HERPUD2: variants seen among roughly 807,000 people sequenced by gnomAD.
HERPUD2 encodes homocysteine-responsive endoplasmic reticulum-resident ubiquitin-like domain member 2 protein.
Under a neutral mutation model 49.9 loss-of-function variants are expected in HERPUD2, and 13 were observed. The ratio of observed to expected loss-of-function variants is 0.26; its 90% CI spans 0.17 to 0.41. HERPUD2 has a LOEUF of 0.41. HERPUD2 is among the 10% of genes least tolerant of loss of function. The pLI is 1.00. For synonymous variants in HERPUD2, 172 were observed against 171.4 expected (o/e 1.00, Z -0.03); for missense variants, 449 against 492.2 (o/e 0.91, Z 0.83).
intron 3 of HERPUD2, among the ~76,000 whole-genome samples, chr7:35,672,764 G>A (rs537207819): frequency 6.6e-6 from 1 of 152,136 alleles, no homozygotes; most frequent in African/African-American, 2.4e-5. Flanking sequence ...CACCCACAAA[G>A]TTTGCTAACT....
At chr7:35,659,843 CT>C (rs1417437550) in intron 5 of HERPUD2, among the ~76,000 whole-genome samples, 1 of 151,462 alleles carries the variant, frequency 6.6e-6, no homozygotes, top group Non-Finnish European at 1.5e-5. Flanking sequence ...TCTTTTTTTT[CT>C]TTTTTCCTGT....
intron 2 of HERPUD2, among the ~76,000 whole-genome samples, chr7:35,674,770 C>T (rs1236917426): frequency 6.6e-6 from 1 of 151,590 alleles, no homozygotes; most frequent in Non-Finnish European, 1.5e-5. Flanking sequence ...TCCATAAAAC[C>T]CAAAAGGACT....
chr7:35,682,424 A>G (rs1398695403), intron 2 of HERPUD2, among the ~76,000 whole-genome samples: 1 of 147,002 alleles, frequency 6.8e-6, no homozygotes, highest in Non-Finnish European at 1.5e-5. Context: ...TCAATATAAT[A>G]AAAGCCATCC....
chr7:35,668,375 C>T (rs758039380), intron 4 of HERPUD2, among the ~76,000 whole-genome samples: 1 of 152,110 alleles, frequency 6.6e-6, no homozygotes, highest in Non-Finnish European at 1.5e-5. Flanking sequence ...AACAATATAA[C>T]TCCCTGAAGA....
intron 5 of HERPUD2, among the ~76,000 whole-genome samples, chr7:35,653,872 T>C (rs1457030673): frequency 6.6e-6 from 1 of 152,136 alleles, no homozygotes; most frequent in Non-Finnish European, 1.5e-5. Context: ...TAGTGGTATG[T>C]GCCTGTAATC....
chr7:35,635,590 T>C (rs1583534123), intron 6 of HERPUD2, 132 bp from the exon 7 acceptor site: 2 of 731,446 alleles, frequency 2.7e-6, no homozygotes, highest in African/African-American at 1.8e-5. Flanking sequence ...CTGCACCACA[T>C]TTCTTAGGTA....
rs1444158930 is a variant in HERPUD2 at position 35,667,293 on chromosome 7, A to G, written c.494+141T>C. 4.0e-6 allele frequency: 3 copies of G among 749,058 alleles called. No individual in the cohort carries two copies. In the African/African-American group the frequency reaches 5.3e-5, roughly 13 times the overall value. The allele number at this position is 749,058 out of a possible 1,614,324, so 46.4% of individuals were successfully genotyped here. A position where few individuals can be genotyped will look rare whatever the true frequency, so the allele number is the denominator to read the frequency against. On this transcript the variant is annotated intron_variant, in intron 5 of 8. Transcript: ENST00000311350. ...AAAGCAGTGCTCTTCTTAACCCTCTAGTTCTCAAAATACAAAATCAAATAT... is the reference window on the plus strand; with the variant it reads ...AAAGCAGTGCTCTTCTTAACCCTCTGGTTCTCAAAATACAAAATCAAATAT...
chr7:35,651,021 C>T (rs77694074), intron 5 of HERPUD2, among the ~76,000 whole-genome samples: 2,159 of 152,280 alleles, frequency 0.014, 27 homozygotes, highest in Non-Finnish European at 0.019. Context: ...GGCCTGAGGA[C>T]CCAATCTGCC....
chr7:35,637,581 C>T (rs1184842879), intron 6 of HERPUD2, among the ~76,000 whole-genome samples: 1 of 152,118 alleles, frequency 6.6e-6, no homozygotes, highest in African/African-American at 2.4e-5. Context: ...CAGGATGAAG[C>T]ACAGGAGATG....
intron 5 of HERPUD2, among the ~76,000 whole-genome samples, chr7:35,644,369 A>G (rs1315840275): frequency 6.6e-6 from 1 of 152,226 alleles, no homozygotes; most frequent in Non-Finnish European, 1.5e-5. Context: ...ATGAGAACTT[A>G]GTCAGCTATA....
chr7:35,691,452 AG>A (rs1289384696), intron 2 of HERPUD2, among the ~76,000 whole-genome samples: 5 of 152,156 alleles, frequency 3.3e-5, no homozygotes, highest in African/African-American at 1.2e-4. Context: ...CACTGCCCAC[AG>A]GAACAAAGTC....
In HERPUD2 at chr7:35,667,587, C is replaced by T. The variant is rs1449085212; in HGVS notation, c.341G>A (p.Ser114Asn). 1 of 1,599,912 alleles carries T rather than the reference C, an allele frequency of 6.3e-7. No homozygotes were observed. ...AGTTGTTGATCCTGAATGATCTGAA[C>T]TCTACAAATAAAAATGTAATTTTTA... ...HEALASSSNS[S>N]SDHSGSTTPS... Residue 114 changes from serine (S) to asparagine (N), a missense_variant and splice_region_variant, in exon 5 of 9, where the codon AGT becomes AAT. By Grantham distance (46) the Ser-to-Asn change is conservative. Transcript: ENST00000311350.
intron 5 of HERPUD2, among the ~76,000 whole-genome samples, chr7:35,661,269 T>C (rs559855756): frequency 6.6e-6 from 1 of 152,340 alleles, no homozygotes; most frequent in African/African-American, 2.4e-5. Context: ...CCATGCTGTT[T>C]TGGTTACTGT....
chr7:35,634,829 G>A (rs1784844450), intron 7 of HERPUD2, among the ~76,000 whole-genome samples: 1 of 152,212 alleles, frequency 6.6e-6, no homozygotes, highest in South Asian at 2.1e-4. Context: ...TCTAATGAAA[G>A]AGGATGACCT....
chr7:35,676,485 G>A (rs1314680927), intron 2 of HERPUD2, among the ~76,000 whole-genome samples: 1 of 152,064 alleles, frequency 6.6e-6, no homozygotes, highest in African/African-American at 2.4e-5. Context: ...TTGCTCTCAG[G>A]CACAAAATGC....
rs149451534 is a variant in HERPUD2 at position 35,666,352 on chromosome 7, C to A, written c.494+1082G>T. On this transcript the variant is annotated intron_variant, in intron 5 of 8. Coordinates refer to ENST00000311350, the MANE Select transcript of HERPUD2 (RefSeq NM_022373.5). ...TCTCTTCTATTTGCTATATATTCAG[C>A]TTTGTTTTTCTGTATTAATAACTGA... is the stretch of plus-strand genomic sequence containing the variant. 1.7e-3 allele frequency among the ~76,000 whole-genome samples: 257 copies of A among 152,308 alleles called. 2 individuals are homozygous for A. Among genetic ancestry groups the A allele is most frequent in the African/African-American group, 6.1e-3 (252 of 41,566 alleles).
chr7:35,635,960 A>G (rs1369157714), intron 6 of HERPUD2, among the ~76,000 whole-genome samples: 2 of 152,214 alleles, frequency 1.3e-5, no homozygotes, highest in African/African-American at 4.8e-5. Flanking sequence ...TCCTAAATAC[A>G]TCTCAGATAA....
chr7:35,660,711 T>G (rs1287206243), intron 5 of HERPUD2, among the ~76,000 whole-genome samples: 1 of 152,224 alleles, frequency 6.6e-6, no homozygotes, highest in Non-Finnish European at 1.5e-5. Context: ...CTTTGCCCAC[T>G]TGTTGATGGG....
chr7:35,643,187 C>T (rs554618188), intron 5 of HERPUD2, among the ~76,000 whole-genome samples: 8 of 152,120 alleles, frequency 5.3e-5, no homozygotes, highest in East Asian at 1.9e-4. Context: ...TATCATAGCA[C>T]TTATCGCCAC....
Sources: allele counts gnomAD v4.1 joint callset (sites outside exome capture counted in the v4.1 genomes callset), GRCh38; gene constraint gnomAD v4.1.1; transcripts MANE v1.5; gene names NCBI Gene and HGNC (gene_info 2026-07-23, HGNC 2026-07-21).